The following EPB41L4B variants were observed in gnomAD, a reference collection of about 807,000 sequenced individuals.
The protein encoded by EPB41L4B is erythrocyte membrane protein band 4.1 like 4B.
EPB41L4B carries 30 observed loss-of-function variants against 112.5 expected under a neutral mutation model. That is an observed-to-expected ratio of 0.27 (90% CI 0.20 to 0.36). The LOEUF (loss-of-function observed/expected upper bound fraction) is 0.36. EPB41L4B is among the 10% of genes least tolerant of loss of function. The pLI, the probability that EPB41L4B is intolerant of heterozygous loss-of-function variation, is 1.00. For missense variants in EPB41L4B, 1,024 were observed against 1,133.3 expected (o/e 0.90, Z 1.38); for synonymous variants, 408 against 439.7 (o/e 0.93, Z 0.90).
intron 1 of EPB41L4B, among the ~76,000 whole-genome samples, chr9:109,291,242 C>T (rs1233650265): frequency 6.6e-6 from 1 of 152,236 alleles, no homozygotes; most frequent in Non-Finnish European, 1.5e-5. Context: ...CTCTAGCCAT[C>T]TCATTCACCT....
chr9:109,262,283 T>C (rs2900486), intron 6 of EPB41L4B, among the ~76,000 whole-genome samples: 78,540 of 151,884 alleles, frequency 0.52, 20,543 homozygotes, highest in East Asian at 0.68. Context: ...AACCTCTTAG[T>C]CAAGGGACCC....
intron 1 of EPB41L4B, among the ~76,000 whole-genome samples, chr9:109,283,991 A>G (rs1425881053): frequency 6.6e-6 from 1 of 152,098 alleles, no homozygotes; most frequent in East Asian, 1.9e-4. Context: ...CTAGCTACTC[A>G]GGAGGCTGAG....
rs1172895276 is a variant in EPB41L4B at position 109,175,510 on chromosome 9, CACAG to C, written c.2634-891_2634-888del. On this transcript the variant is annotated intron_variant, in intron 25 of 25. Transcript: ENST00000374566. ...ACACACACACACACACACACACACA[CACAG>C]AGTAAATACACATCTTTTCATTGTT... 6.8e-3 allele frequency among the ~76,000 whole-genome samples: 990 copies of C among 144,672 alleles called. 7 individuals are homozygous for C. Among genetic ancestry groups the C allele is most frequent in the African/African-American group, 0.025 (943 of 37,796 alleles). The allele number at this position is 144,672 out of a possible 152,430, so 94.9% of individuals were successfully genotyped here. A position where few individuals can be genotyped will look rare whatever the true frequency, so the allele number is the denominator to read the frequency against.
intron 15 of EPB41L4B, among the ~76,000 whole-genome samples, chr9:109,222,513 C>G (rs1334320161): frequency 6.6e-6 from 1 of 152,164 alleles, no homozygotes; most frequent in Non-Finnish European, 1.5e-5. Flanking sequence ...TTCATAGAGA[C>G]CTCAGAGGTC....
chr9:109,195,090 C>T lies in EPB41L4B; in HGVS notation c.2046-693G>A, dbSNP rs1832595082. Among the ~76,000 whole-genome samples the T allele has an allele frequency of 2.6e-5, 4 of 152,200 alleles. No homozygotes were observed. The South Asian group carries it at 8.3e-4, about 31-fold the overall frequency. On this transcript the variant is annotated intron_variant, in intron 20 of 25. Transcript: ENST00000374566. ...CTTTTGGCTATTATAAATCATGCTG[C>T]CATGAACATGGGTGTACAAACATCT...
intron 25 of EPB41L4B, among the ~76,000 whole-genome samples, chr9:109,175,182 G>C (rs1831774605): frequency 6.6e-6 from 1 of 151,874 alleles, no homozygotes; most frequent in South Asian, 2.1e-4. Context: ...CTCCCAAAGT[G>C]CTAGGATTAC....
At chr9:109,242,462 T>A (rs1396476948) in intron 15 of EPB41L4B, among the ~76,000 whole-genome samples, 1 of 152,198 alleles carries the variant, frequency 6.6e-6, no homozygotes, top group Non-Finnish European at 1.5e-5. Flanking sequence ...GTAAAAACAA[T>A]GTTAATTAAA....
At chr9:109,199,863 A>G (rs895144764) in intron 20 of EPB41L4B, among the ~76,000 whole-genome samples, 20 of 152,184 alleles carry the variant, frequency 1.3e-4, no homozygotes, top group African/African-American at 4.6e-4. Flanking sequence ...CAGCAACCGT[A>G]AAAACAAGCC....
At chr9:109,271,950 A>G (rs558055844) in intron 2 of EPB41L4B, among the ~76,000 whole-genome samples, 2 of 152,336 alleles carry the variant, frequency 1.3e-5, no homozygotes, top group Admixed American at 1.3e-4. Context: ...TAGTACATCA[A>G]TTCTGGAAAT....
intron 2 of EPB41L4B, among the ~76,000 whole-genome samples, chr9:109,276,387 C>T (rs760955914): frequency 1.8e-4 from 28 of 152,178 alleles, no homozygotes; most frequent in Non-Finnish European, 3.2e-4. Flanking sequence ...GGAGAAACAG[C>T]ATAAGCAAAG....
chr9:109,182,290 T>C (rs1345745427), intron 24 of EPB41L4B, among the ~76,000 whole-genome samples: 1 of 152,078 alleles, frequency 6.6e-6, no homozygotes, highest in African/African-American at 2.4e-5. Context: ...TTATGCTAAG[T>C]GAAAGAGGCC....
At chr9:109,176,369 T>C (rs547222684) in intron 25 of EPB41L4B, among the ~76,000 whole-genome samples, 182 bp downstream of exon 25, 200 of 152,250 alleles carry the variant, frequency 1.3e-3, no homozygotes, top group African/African-American at 4.3e-3. Flanking sequence ...TCCTCCCTTG[T>C]GCTGGGATTA....
intron 15 of EPB41L4B, among the ~76,000 whole-genome samples, chr9:109,227,590 C>CT (rs547681094): frequency 0.011 from 1,558 of 148,328 alleles, 26 homozygotes; most frequent in African/African-American, 0.036. Flanking sequence ...ATATCCCCCC[C>CT]TTTTTTTTTT....
intron 1 of EPB41L4B, among the ~76,000 whole-genome samples, chr9:109,302,831 C>T (rs1837022798): frequency 6.6e-6 from 1 of 152,148 alleles, no homozygotes; most frequent in Non-Finnish European, 1.5e-5. Flanking sequence ...TAAGATTTCT[C>T]CTTCCCATGA....
chr9:109,198,037 A>C (rs1054401351), intron 20 of EPB41L4B, among the ~76,000 whole-genome samples: 4 of 152,170 alleles, frequency 2.6e-5, no homozygotes, highest in Admixed American at 2.6e-4. Flanking sequence ...TGTCCCCCAG[A>C]GATCATTAGG....
intron 22 of EPB41L4B, among the ~76,000 whole-genome samples, chr9:109,189,315 G>C (rs1014732031): frequency 6.6e-6 from 1 of 152,240 alleles, no homozygotes; most frequent in African/African-American, 2.4e-5. Context: ...GGGAAAAGGA[G>C]GGGGAAGAAA....
rs187669853 is a variant in EPB41L4B at position 109,216,779 on chromosome 9, C to T, written c.1633+143G>A. The T allele has an allele frequency of 5.6e-4, 465 of 828,838 alleles. 2 individuals are homozygous for T. Among genetic ancestry groups the T allele is most frequent in the African/African-American group, 5.0e-3 (295 of 59,526 alleles). 51.3% of individuals were successfully genotyped at this position (828,838 alleles called of 1,614,324 possible). ...CAAATGCATAAGGCTCTTGTCTACT[C>T]TGGCCCAAACCCGGTAGCCCAGCAT... On this transcript the variant is annotated intron_variant, in intron 16 of 25. Coordinates refer to ENST00000374566, the MANE Select transcript of EPB41L4B (RefSeq NM_019114.5).
At chr9:109,260,084 C>A (rs904592944) in intron 6 of EPB41L4B, among the ~76,000 whole-genome samples, 2 of 152,198 alleles carry the variant, frequency 1.3e-5, no homozygotes, top group South Asian at 4.1e-4. Flanking sequence ...CTTTTCTTTT[C>A]TTTTGAGAAA....
At position 109,173,674 on chromosome 9, in the gene EPB41L4B, A is replaced by G. The variant is rs1052305825; in HGVS notation, c.*880T>C. 1 of 152,648 alleles carries G rather than the reference A, an allele frequency of 6.6e-6. No homozygotes were observed. Among genetic ancestry groups the G allele is most frequent in the Non-Finnish European group, 1.5e-5 (1 of 68,038 alleles). The allele number at this position is 152,648 out of a possible 1,614,324, so 9.5% of individuals were successfully genotyped here. On this transcript the variant is annotated 3_prime_UTR_variant, in exon 26 of 26. Transcript: ENST00000374566. Reference sequence around the variant, plus strand: ...ATTGAGAAAGCTAGGGAACTAATTTAGAGGGATATTTTGTGGTTAGGGGGT... The same window carrying G: ...ATTGAGAAAGCTAGGGAACTAATTTGGAGGGATATTTTGTGGTTAGGGGGT...
Sources: allele counts gnomAD v4.1 joint callset (sites outside exome capture counted in the v4.1 genomes callset), GRCh38; gene constraint gnomAD v4.1.1; transcripts MANE v1.5; gene names NCBI Gene and HGNC (gene_info 2026-07-23, HGNC 2026-07-21).